The following KNDC1 variants were observed in gnomAD, a reference collection of about 807,000 sequenced individuals.
The protein encoded by KNDC1 is kinase non-catalytic C-lobe domain-containing protein 1.
In KNDC1, 106 loss-of-function variants were observed where a neutral mutation model predicts 172.8. The ratio of observed to expected loss-of-function variants is 0.61; its 90% confidence interval spans 0.52 to 0.72. KNDC1 has a LOEUF of 0.72. Among genes scored for constraint, KNDC1 ranks in the 30% least tolerant of loss-of-function variants. The pLI is 0.00. For synonymous variants in KNDC1, 1,083 were observed against 1,062.2 expected, an observed-to-expected ratio of 1.02 and a Z score of -0.38; for missense variants, 2,325 against 2,394.5, an observed-to-expected ratio of 0.97 and a Z score of 0.61.
intron 17 of KNDC1, chr10:133,202,197 T>C (rs1321095123): frequency 1.2e-5 from 8 of 663,384 alleles, no homozygotes; most frequent in Non-Finnish European, 2.2e-5. Flanking sequence ...GGCCCCTCCA[T>C]GCTCGTGACC....
chr10:133,186,498 G>A lies in KNDC1; in HGVS notation c.1150G>A (p.Asp384Asn), dbSNP rs151221597. ...GRVPCAGRST[D>N]RGPGVPGSPG... The stretch of plus-strand genomic sequence containing the variant: ...GGTTCCCTGTGCAGGCCGCAGCACG[G>A]ACAGGGGCCCTGGGGTGCCCGGCAG... The change falls in exon 6 of 30, where the codon GAC becomes AAC. Residue 384 changes from aspartate (D) to asparagine (N), a missense_variant. Physicochemically the swap from Asp to Asn is conservative, Grantham distance 23. Coordinates refer to ENST00000304613, the MANE Select transcript of KNDC1 (RefSeq NM_152643.8). The A allele has an allele frequency of 2.7e-5, 44 of 1,612,400 alleles. No homozygotes were observed. In the African/African-American group the frequency reaches 4.9e-4, roughly 18 times the overall value.
rs1006998965 is a variant in KNDC1 at position 133,209,027 on chromosome 10, G to A, written c.3795-1584G>A. 6.6e-6 allele frequency among the ~76,000 whole-genome samples: 1 copy of A among 150,896 alleles called. No homozygotes were observed. Among genetic ancestry groups the A allele is most frequent in the Non-Finnish European group, 1.5e-5 (1 of 67,698 alleles). ...TTGTGGGATATCGTGTGGTGTAGTA[G>A]GTACGTGTGCGGTTGTGAGGTATAG... On this transcript the variant is annotated intron_variant, in intron 20 of 29. Coordinates refer to ENST00000304613, the MANE Select transcript of KNDC1 (RefSeq NM_152643.8). The surrounding 1 kb of genome is among the most constrained non-coding windows in gnomAD (Gnocchi z 4.9).
rs201768008 is a variant in KNDC1 at position 133,209,288 on chromosome 10, A to G, written c.3795-1323A>G. Among the ~76,000 whole-genome samples the G allele has an allele frequency of 1.1e-4, 12 of 107,088 alleles. No individual in the cohort carries two copies. The highest frequency in any genetic ancestry group is 1.8e-4 in the Non-Finnish European group (9 of 50,670). The allele number at this position is 107,088 out of a possible 152,430, so 70.3% of individuals were successfully genotyped here. A position where few individuals can be genotyped will look rare whatever the true frequency, so the allele number is the denominator to read the frequency against. On this transcript the variant is annotated intron_variant, in intron 20 of 29. Coordinates refer to ENST00000304613, the MANE Select transcript of KNDC1 (RefSeq NM_152643.8). The surrounding 1 kb of genome is among the most constrained non-coding windows in gnomAD (Gnocchi z 4.9). ...GTAGTGTGTGTGTGGTGTGTGGAGT[A>G]TAGTGTGTGTGGTGTGGGGTACAGT... is the stretch of plus-strand genomic sequence containing the variant.
intron 17 of KNDC1, chr10:133,202,222 C>T (rs1167531059): frequency 9.7e-6 from 6 of 620,658 alleles, no homozygotes; most frequent in South Asian, 1.5e-5. Context: ...TGCGTTCGGT[C>T]GTGTTTTCCG....
chr10:133,189,818 C>G lies in KNDC1; in HGVS notation c.1575+5C>G. On this transcript the variant is annotated splice_donor_5th_base_variant and intron_variant, in intron 9 of 29. Transcript: ENST00000304613. ...GAGAGGCTGGTAACTGAAAAGGTACCCGGGCCCTCCCCACCCTGCCCCAGC... is the reference window on the plus strand; with the variant it reads ...GAGAGGCTGGTAACTGAAAAGGTACGCGGGCCCTCCCCACCCTGCCCCAGC... 7 of 1,612,142 alleles carry G rather than the reference C, an allele frequency of 4.3e-6. No individual in the cohort carries two copies. The highest frequency in any genetic ancestry group is 5.9e-6 in the Non-Finnish European group (7 of 1,179,374).
rs1223188257 is a variant in KNDC1 at position 133,163,806 on chromosome 10, CTG to C, written c.102+3238_102+3239del. On this transcript the variant is annotated intron_variant, in intron 1 of 29. Coordinates refer to ENST00000304613, the MANE Select transcript of KNDC1 (RefSeq NM_152643.8). This position sits in a 1 kb window ranked among gnomAD's most constrained non-coding sequence, Gnocchi z 4.4. ...CTCGGTGGGAAGCGTGCCCTGCCCT[CTG>C]AGACCCAGGGACTGGCTGATGTGCT... is the stretch of plus-strand genomic sequence containing the variant. 6.6e-6 allele frequency among the ~76,000 whole-genome samples: 1 copy of C among 152,144 alleles called. No individual in the cohort carries two copies. The highest frequency in any genetic ancestry group is 1.9e-4 in the East Asian group (1 of 5,190).
At chr10:133,197,223 G>A (rs1019276884) in intron 11 of KNDC1, 88 bp downstream of exon 11, 21 of 1,034,816 alleles carry the variant, frequency 2.0e-5, no homozygotes, top group South Asian at 2.7e-5. Flanking sequence ...GGCCGCTCCC[G>A]GCAGCCCCAC....
Position 133,168,319 on chromosome 10 carries a change from G to A in KNDC1, c.360+7G>A, listed in dbSNP as rs1422733525. 3 of 1,613,810 alleles carry A rather than the reference G, an allele frequency of 1.9e-6. No individual in the cohort carries two copies. The highest frequency in any genetic ancestry group is 2.5e-6 in the Non-Finnish European group (3 of 1,179,684). On this transcript the variant is annotated splice_region_variant and intron_variant, in intron 3 of 29. Coordinates refer to ENST00000304613, the MANE Select transcript of KNDC1 (RefSeq NM_152643.8). The stretch of plus-strand genomic sequence containing the variant: ...GACCGGGAACACCTTTGAGGTAAGT[G>A]CAGGTGGGGGTAATGTGCCACACCC...
chr10:133,177,919 A>G (rs1275997776), intron 3 of KNDC1, among the ~76,000 whole-genome samples: 2 of 112,774 alleles, frequency 1.8e-5, no homozygotes, highest in African/African-American at 3.3e-5. Flanking sequence ...TGTGTGTGCA[A>G]GCATGTAGTG....
chr10:133,172,242 G>A (rs557516881), intron 3 of KNDC1, among the ~76,000 whole-genome samples: 15 of 152,254 alleles, frequency 9.9e-5, no homozygotes, highest in Non-Finnish European at 2.1e-4. Flanking sequence ...AATGGCGCCC[G>A]CCTCCACCGC....
intron 23 of KNDC1, 115 bp downstream of exon 23, chr10:133,211,973 A>C: frequency 1.0e-6 from 1 of 963,648 alleles, no homozygotes; most frequent in Non-Finnish European, 1.5e-6. Flanking sequence ...GCAAATGGGC[A>C]CAGCTGTATA....
intron 3 of KNDC1, among the ~76,000 whole-genome samples, chr10:133,169,613 C>T (rs1030172102): frequency 1.2e-4 from 19 of 152,260 alleles, no homozygotes; most frequent in Admixed American, 1.2e-3. Context: ...TGCACCCCAG[C>T]GTCCAGAACC....
intron 3 of KNDC1, among the ~76,000 whole-genome samples, chr10:133,177,141 TTG>T (rs1223513840): frequency 6.6e-6 from 1 of 151,146 alleles, no homozygotes; most frequent in Non-Finnish European, 1.5e-5. Flanking sequence ...CCATGTCCAA[TTG>T]TGTGTCTGTG....
intron 7 of KNDC1, among the ~76,000 whole-genome samples, chr10:133,188,963 G>T (rs1854003325): frequency 6.6e-6 from 1 of 152,036 alleles, no homozygotes; most frequent in Non-Finnish European, 1.5e-5. Context: ...CTTGAAACCG[G>T]TGACTGTGCC....
In KNDC1 at chr10:133,206,774, C is replaced by T. The variant is rs764567635; in HGVS notation, c.3477C>T (p.Asn1159=). 38 of 1,613,940 alleles carry T rather than the reference C, an allele frequency of 2.4e-5. No homozygotes were observed. The highest frequency in any genetic ancestry group is 3.1e-5 in the Non-Finnish European group (37 of 1,179,984). ...AACTCTTACAGAAGGAAAAGAGGAA[C>T]AAAGGTAAGGCCCCTGTGGGCACAG... ...YQKLLQKEKR[N]KGSDVKTMLS... Residue 1159 remains asparagine (N), a synonymous_variant, in exon 18 of 30, where the codon AAC becomes AAT. Transcript: ENST00000304613.
chr10:133,212,019 G>A lies in KNDC1; in HGVS notation c.4236+161G>A, dbSNP rs573093729. On this transcript the variant is annotated intron_variant, in intron 23 of 29. Transcript: ENST00000304613. The stretch of plus-strand genomic sequence containing the variant: ...CATAGACGTGTGCACATACACTTGT[G>A]TGCACATACATACCTGTGCACATCA... 7.2e-5 allele frequency among the ~76,000 whole-genome samples: 11 copies of A among 152,246 alleles called. No individual in the cohort carries two copies. The East Asian group carries it at 2.1e-3, about 29-fold the overall frequency.
At position 133,212,900 on chromosome 10, in the gene KNDC1, G is replaced by A; in HGVS notation, c.4421G>A (p.Ser1474Asn). Residue 1474 changes from serine (S) to asparagine (N), a missense_variant, in exon 24 of 30, where the codon AGC (serine) becomes AAC (asparagine). By Grantham distance (46) the Ser-to-Asn change is conservative. Coordinates refer to ENST00000304613, the MANE Select transcript of KNDC1 (RefSeq NM_152643.8). The part of the protein sequence containing the change: ...LTEYSTHQLF[S>N]QLTLLQQELF... ...GAGTACAGCACTCACCAGCTCTTCA[G>A]CCAGCTCACGCTGCTACAGCAGGTG... The A allele has an allele frequency of 6.2e-7, 1 of 1,613,150 alleles. No homozygotes were observed.
intron 3 of KNDC1, among the ~76,000 whole-genome samples, chr10:133,177,915 T>TGC (rs1340962120): frequency 1.7e-5 from 2 of 121,056 alleles, no homozygotes; most frequent in Non-Finnish European, 3.6e-5. Flanking sequence ...AGTGTGTGTG[T>TGC]GCAAGCATGT....
chr10:133,212,781 C>T lies in KNDC1; in HGVS notation c.4302C>T (p.Tyr1434=). The change falls in exon 24 of 30, where the codon TAC becomes TAT. Residue 1434 remains tyrosine, a synonymous_variant. Transcript: ENST00000304613. ...LVLPPHKERP[Y]TIAAALPKPC... is the part of the protein sequence containing the mutation. ...TGCCGCCACACAAGGAGCGCCCCTA[C>T]ACCATTGCTGCCGCCCTGCCCAAGC... is the stretch of plus-strand genomic sequence containing the variant. 4 of 1,613,986 alleles carry T rather than the reference C, an allele frequency of 2.5e-6. No homozygotes were observed. The highest frequency in any genetic ancestry group is 3.4e-6 in the Non-Finnish European group (4 of 1,179,958).
Sources: gnomAD v4.1 joint callset for allele counts (sites outside exome capture counted in the v4.1 genomes callset) on GRCh38, gnomAD v4.1.1 for gene constraint, Gnocchi (gnomAD v3.1) non-coding constraint, MANE v1.5 for transcripts, NCBI Gene and HGNC (gene_info 2026-07-23, HGNC 2026-07-21) for gene names.